CTCF: variants seen among roughly 807,000 people sequenced by gnomAD.
The protein encoded by CTCF is transcriptional repressor CTCF.
A neutral mutation model predicts 72.3 loss-of-function variants in CTCF; 7 were observed. That is an observed-to-expected ratio of 0.10 (90% CI 0.06 to 0.18). CTCF has a LOEUF of 0.18. Ranked by LOEUF, CTCF falls within the 10% of genes least tolerant of loss-of-function variation. The pLI is 1.00. For missense variants in CTCF, 516 were observed against 949.1 expected (o/e 0.54, Z 6.00); for synonymous variants, 374 against 315.8 (o/e 1.18, Z -1.95).
At chr16:67,619,979 A>C (rs1336053042) in intron 5 of CTCF, among the ~76,000 whole-genome samples, 1 of 152,124 alleles carries the variant, frequency 6.6e-6, no homozygotes, top group Non-Finnish European at 1.5e-5. Flanking sequence ...AGGATGATAG[A>C]AGAGAGGCCC....
chr16:67,594,467 G>C (rs1419817554), intron 2 of CTCF, among the ~76,000 whole-genome samples: 1 of 151,968 alleles, frequency 6.6e-6, no homozygotes, highest in Non-Finnish European at 1.5e-5. Flanking sequence ...TGTGGGGGAT[G>C]AAGTGGGAGG....
At chr16:67,590,130 A>G (rs1440622394) in intron 2 of CTCF, among the ~76,000 whole-genome samples, 1 of 149,094 alleles carries the variant, frequency 6.7e-6, no homozygotes, top group Non-Finnish European at 1.5e-5. Flanking sequence ...TTTTTTTTTT[A>G]AAGAAGAGAG....
chr16:67,604,829 A>G (rs373214352), intron 2 of CTCF, among the ~76,000 whole-genome samples: 1 of 145,496 alleles, frequency 6.9e-6, no homozygotes, highest in Non-Finnish European at 1.5e-5. Flanking sequence ...TGTGGCTTGC[A>G]TTATATTTCT....
At chr16:67,570,382 T>G (rs1489046602) in intron 1 of CTCF, among the ~76,000 whole-genome samples, 1 of 150,752 alleles carries the variant, frequency 6.6e-6, no homozygotes, top group African/African-American at 2.4e-5. Context: ...GCCCAGCCAA[T>G]AATTAATTTT....
In CTCF at chr16:67,639,171, C is replaced by T. The variant is rs1018901622; in HGVS notation, c.*1299C>T. On this transcript the variant is annotated 3_prime_UTR_variant, in exon 12 of 12. Transcript: ENST00000264010. ...CAGCTAATAAATCATAACGGATTAA[C>T]AAGTGCTCCAAAGACTCCATCTTGC... is the stretch of plus-strand genomic sequence containing the variant. 5.3e-6 allele frequency: 1 copy of T among 187,260 alleles called. No individual in the cohort carries two copies. The highest frequency in any genetic ancestry group is 2.3e-5 in the African/African-American group (1 of 42,754). 11.6% of individuals were successfully genotyped at this position (187,260 alleles called of 1,614,324 possible).
At chr16:67,613,658 C>G (rs556000368) in intron 4 of CTCF, among the ~76,000 whole-genome samples, 1 of 152,286 alleles carries the variant, frequency 6.6e-6, no homozygotes, top group South Asian at 2.1e-4. Context: ...CGCCTGTAAA[C>G]CCAGCTACTT....
intron 2 of CTCF, among the ~76,000 whole-genome samples, chr16:67,575,074 A>AG (rs1000370142): frequency 5.3e-5 from 8 of 152,166 alleles, no homozygotes; most frequent in African/African-American, 7.2e-5. Context: ...TTGTGGATAG[A>AG]GGAAAAAAAA....
intron 2 of CTCF, among the ~76,000 whole-genome samples, chr16:67,584,459 G>A (rs554146521): frequency 6.9e-6 from 1 of 145,570 alleles, no homozygotes; most frequent in Admixed American, 7.1e-5. Flanking sequence ...TCCTGCCTCA[G>A]CCTCCCTAGT....
At chr16:67,563,666 G>A (rs926245063) in intron 1 of CTCF, 3 of 152,240 alleles carry the variant, frequency 2.0e-5, no homozygotes, top group African/African-American at 7.2e-5. Flanking sequence ...ATAGCAGCCT[G>A]ACTTTGTGCG....
At chr16:67,626,969 A>G (rs967018386) in intron 8 of CTCF, 8 of 312,382 alleles carry the variant, frequency 2.6e-5, no homozygotes, top group Middle Eastern at 8.8e-4. Flanking sequence ...AAGTAAGTCC[A>G]GGACTTGAGA....
rs112867064 is a variant in CTCF, at chr16:67,607,645, G to C, written c.-9-3179G>C. 6.6e-3 allele frequency among the ~76,000 whole-genome samples: 1,011 copies of C among 152,150 alleles called. 6 individuals carry two copies. Among genetic ancestry groups the C allele is most frequent in the Middle Eastern group, 0.017 (5 of 294 alleles). ...AAGAGCCAAAAACTATGAATTGGCT[G>C]ATTTGTTTTCTGCTTTCTATTATAT... On this transcript the variant is annotated intron_variant, in intron 2 of 11. Transcript: ENST00000264010.
At chr16:67,591,483 A>T (rs184160180) in intron 2 of CTCF, among the ~76,000 whole-genome samples, 3 of 152,114 alleles carry the variant, frequency 2.0e-5, no homozygotes, top group African/African-American at 7.2e-5. Flanking sequence ...GTAGTCTACA[A>T]CTTTCCTGGT....
chr16:67,626,639 C>T lies in CTCF; in HGVS notation c.1442C>T (p.Ala481Val), dbSNP rs1444552916. The change falls in exon 8 of 12, where the codon GCC becomes GTC. Residue 481 changes from alanine (A) to valine (V), a missense_variant. Ala to Val is a moderately conservative substitution (Grantham distance 64). Coordinates refer to ENST00000264010, the MANE Select transcript of CTCF (RefSeq NM_006565.4). Reference sequence around the variant, plus strand: ...GATGCTGTGTTTCATGAGCGCTATGCCCTCATCCAGCATCAGAAGTCACAC... The same window carrying T: ...GATGCTGTGTTTCATGAGCGCTATGTCCTCATCCAGCATCAGAAGTCACAC... ...YCDAVFHERY[A>V]LIQHQKSHKN... The T allele has an allele frequency of 6.4e-7, 1 of 1,574,114 alleles. No individual in the cohort carries two copies. Among genetic ancestry groups the T allele is most frequent in the South Asian group, 1.2e-5 (1 of 86,616 alleles).
chr16:67,628,999 C>G (rs2052327539), intron 9 of CTCF, among the ~76,000 whole-genome samples: 1 of 151,954 alleles, frequency 6.6e-6, no homozygotes, highest in Non-Finnish European at 1.5e-5. Context: ...TTGCAGTGAT[C>G]CGAGATGGCA....
chr16:67,629,289 C>T, intron 9 of CTCF, 109 bp from the exon 10 acceptor site: 1 of 1,018,948 alleles, frequency 9.8e-7, no homozygotes, highest in East Asian at 2.5e-5. Context: ...ACACACTTAG[C>T]AGATACTAGA....
intron 2 of CTCF, among the ~76,000 whole-genome samples, chr16:67,574,048 G>A (rs1337517143): frequency 6.6e-6 from 1 of 151,614 alleles, no homozygotes; most frequent in Non-Finnish European, 1.5e-5. Context: ...AAAGACTTAC[G>A]TGACCAAAGA....
chr16:67,629,343 A>C, intron 9 of CTCF, 55 bp from the exon 10 acceptor site: 1 of 1,529,874 alleles, frequency 6.5e-7, no homozygotes, highest in South Asian at 1.2e-5. Context: ...AATAACTTCC[A>C]ATCTGATCTT....
chr16:67,565,462 CAGG>C (rs1031280865), intron 1 of CTCF, among the ~76,000 whole-genome samples: 1 of 151,760 alleles, frequency 6.6e-6, no homozygotes, highest in Non-Finnish European at 1.5e-5. Context: ...ATCACGAGGT[CAGG>C]AGATTGAGAC....
At position 67,610,962 on chromosome 16, in the gene CTCF, C is replaced by A. The variant is rs755800964; in HGVS notation, c.130C>A (p.Gln44Lys). Reference protein sequence around the residue: ...EEDACHLPQNQTDGGEVVQDV... With the variant: ...EEDACHLPQNKTDGGEVVQDV... ...AGATGCCTGCCACTTACCCCAGAAC[C>A]AGACGGATGGGGGTGAGGTGGTCCA... Residue 44 changes from glutamine to lysine, a missense_variant, in exon 3 of 12, where the codon CAG (glutamine) becomes AAG (lysine). Physicochemically the swap from Gln to Lys is moderately conservative, Grantham distance 53. Transcript: ENST00000264010. The A allele has an allele frequency of 2.5e-5, 40 of 1,592,416 alleles. 1 individual carries two copies. Among genetic ancestry groups the A allele is most frequent in the Non-Finnish European group, 3.3e-5 (38 of 1,163,846 alleles).
Sources: allele counts gnomAD v4.1 joint callset (sites outside exome capture counted in the v4.1 genomes callset), GRCh38; gene constraint gnomAD v4.1.1; transcripts MANE v1.5; gene names NCBI Gene and HGNC (gene_info 2026-07-23, HGNC 2026-07-21).